The following CEP112 variants were observed in gnomAD, a reference collection of about 807,000 sequenced individuals.
CEP112 encodes centrosomal protein of 112 kDa.
Under a neutral mutation model 153.0 loss-of-function variants are expected in CEP112, and 127 were observed. The ratio of observed to expected loss-of-function variants is 0.83; its 90% CI spans 0.72 to 0.96. The LOEUF (loss-of-function observed/expected upper bound fraction) is 0.96, where lower values mean the gene tolerates loss of function less well. CEP112 is among the 40% of genes least tolerant of loss of function. The probability of loss-of-function intolerance (pLI) is 0.00; values close to 1 mark genes in which losing one functional copy is unlikely to be tolerated. For synonymous variants in CEP112, 358 were observed against 374.4 expected, an observed-to-expected ratio of 0.96 and a Z score of 0.51; for missense variants, 1,089 against 1,101.2, an observed-to-expected ratio of 0.99 and a Z score of 0.16.
In CEP112 at chr17:65,977,076, G is replaced by A. The variant is rs572352693; in HGVS notation, c.1737-15478C>T. On this transcript the variant is annotated intron_variant, in intron 17 of 26. Transcript: ENST00000535342. ...ATGTTTAAAATGCCTTTTAACTCAT[G>A]GTAACCAAATAAAAACAGCTGTATA... is the stretch of plus-strand genomic sequence containing the variant. 7.3e-4 allele frequency among the ~76,000 whole-genome samples: 111 copies of A among 152,114 alleles called. 1 individual carries two copies. Among genetic ancestry groups the A allele is most frequent in the African/African-American group, 2.5e-3 (104 of 41,520 alleles).
intron 11 of CEP112, among the ~76,000 whole-genome samples, chr17:66,060,012 G>A (rs2066860994): frequency 6.6e-6 from 1 of 152,022 alleles, no homozygotes; most frequent in African/African-American, 2.4e-5. Context: ...GATGCAGCTG[G>A]TGGCCATAAT....
chr17:65,994,216 G>A (rs1055873355), intron 17 of CEP112, among the ~76,000 whole-genome samples: 7 of 152,334 alleles, frequency 4.6e-5, no homozygotes, highest in African/African-American at 1.7e-4. Context: ...ATTAGTGCAA[G>A]TCTAGAAATG....
At chr17:65,773,270 C>A (rs1317257641) in intron 21 of CEP112, among the ~76,000 whole-genome samples, 1 of 152,178 alleles carries the variant, frequency 6.6e-6, no homozygotes, top group Non-Finnish European at 1.5e-5. Context: ...CTACCCCCTG[C>A]CTTCATTTTC....
chr17:65,865,439 G>A (rs760067102), intron 20 of CEP112, among the ~76,000 whole-genome samples: 1 of 152,188 alleles, frequency 6.6e-6, no homozygotes, highest in African/African-American at 2.4e-5. Context: ...GTACTATATT[G>A]AGGAGGGCAA....
At chr17:65,949,866 T>C (rs909953589) in intron 18 of CEP112, among the ~76,000 whole-genome samples, 2 of 152,148 alleles carry the variant, frequency 1.3e-5, no homozygotes, top group African/African-American at 4.8e-5. Flanking sequence ...TCTCCGGGGC[T>C]TTCAATTCTC....
chr17:65,772,978 T>A (rs2053467572), intron 21 of CEP112, among the ~76,000 whole-genome samples: 1 of 152,200 alleles, frequency 6.6e-6, no homozygotes, highest in Non-Finnish European at 1.5e-5. Context: ...TATTGACACA[T>A]ATTGGCTAAA....
chr17:66,006,584 C>G (rs1431214345), intron 16 of CEP112, among the ~76,000 whole-genome samples: 1 of 150,708 alleles, frequency 6.6e-6, no homozygotes, highest in Admixed American at 6.6e-5. Flanking sequence ...CCAGCCTGGG[C>G]AACAGAGTGA....
At chr17:65,893,407 T>C (rs1232524149) in intron 20 of CEP112, among the ~76,000 whole-genome samples, 1 of 152,166 alleles carries the variant, frequency 6.6e-6, no homozygotes, top group Non-Finnish European at 1.5e-5. Flanking sequence ...AGTCTAATTG[T>C]GTATTGTTTC....
At chr17:65,644,159 T>A in intron 24 of CEP112, 1 of 866,688 alleles carries the variant, frequency 1.2e-6, no homozygotes, top group Non-Finnish European at 1.9e-6. Flanking sequence ...TCACGAACAA[T>A]TCAACTTGCA....
intron 12 of CEP112, among the ~76,000 whole-genome samples, chr17:66,041,643 C>T (rs1457864039): frequency 6.6e-6 from 1 of 152,030 alleles, no homozygotes; most frequent in Non-Finnish European, 1.5e-5. Context: ...CCATATAATC[C>T]GTATTGATGG....
chr17:66,009,579 G>C (rs757432097), intron 16 of CEP112, among the ~76,000 whole-genome samples: 1 of 152,014 alleles, frequency 6.6e-6, no homozygotes, highest in Non-Finnish European at 1.5e-5. Context: ...AAACTTTCAG[G>C]ATTTCTACAG....
At chr17:65,929,286 A>G (rs1432174533) in intron 18 of CEP112, among the ~76,000 whole-genome samples, 1 of 152,198 alleles carries the variant, frequency 6.6e-6, no homozygotes, top group Non-Finnish European at 1.5e-5. Flanking sequence ...GAGGCCTCAC[A>G]TAATCCAATC....
At chr17:66,130,151 G>C (rs796086554) in intron 5 of CEP112, among the ~76,000 whole-genome samples, 6 of 152,090 alleles carry the variant, frequency 3.9e-5, no homozygotes, top group Admixed American at 2.0e-4. Flanking sequence ...ACTGAACTAG[G>C]GTTCTCAGTT....
At chr17:66,075,512 G>A (rs933966726) in intron 8 of CEP112, among the ~76,000 whole-genome samples, 6 of 151,800 alleles carry the variant, frequency 4.0e-5, no homozygotes, top group Non-Finnish European at 8.8e-5. Context: ...CAAGAAAGGA[G>A]CAACAGAGTA....
intron 18 of CEP112, among the ~76,000 whole-genome samples, chr17:65,934,781 C>G (rs2061247514): frequency 6.6e-6 from 1 of 152,170 alleles, no homozygotes; most frequent in Admixed American, 6.5e-5. Flanking sequence ...CATTCTCACA[C>G]TGCTATCAAG....
chr17:65,958,354 T>C (rs1647227039), intron 18 of CEP112, among the ~76,000 whole-genome samples: 1 of 152,220 alleles, frequency 6.6e-6, no homozygotes, highest in Non-Finnish European at 1.5e-5. Flanking sequence ...ATTACATACA[T>C]GTATATTACA....
At chr17:65,749,671 C>T (rs765519001) in intron 22 of CEP112, among the ~76,000 whole-genome samples, 5 of 147,864 alleles carry the variant, frequency 3.4e-5, no homozygotes, top group Admixed American at 6.7e-5. Context: ...TCTCAGTTTT[C>T]GCAAATGGAA....
chr17:66,124,674 A>C (rs1006516139), intron 6 of CEP112, among the ~76,000 whole-genome samples: 2 of 152,060 alleles, frequency 1.3e-5, no homozygotes, highest in African/African-American at 2.4e-5. Flanking sequence ...CAATCCCTCA[A>C]TTTGGCCCAC....
At chr17:65,943,017 A>G (rs1391264329) in intron 18 of CEP112, among the ~76,000 whole-genome samples, 1 of 152,240 alleles carries the variant, frequency 6.6e-6, no homozygotes, top group Admixed American at 6.5e-5. Context: ...ATGTAGCTAG[A>G]CAGATACATA....
Sources: gnomAD v4.1 joint callset for allele counts (sites outside exome capture counted in the v4.1 genomes callset) on GRCh38, gnomAD v4.1.1 for gene constraint, MANE v1.5 for transcripts, NCBI Gene and HGNC (gene_info 2026-07-23, HGNC 2026-07-21) for gene names.